Variants in SH3BP4 observed in about 807,000 individuals in gnomAD.
SH3BP4 encodes the protein SH3 domain-binding protein 4.
SH3BP4 carries 33 observed loss-of-function variants against 65.5 expected under a neutral mutation model. That is an observed-to-expected ratio of 0.50 (90% CI 0.38 to 0.67). SH3BP4 has a LOEUF of 0.67. SH3BP4 is among the 30% of genes least tolerant of loss of function. The pLI, the probability that SH3BP4 is intolerant of heterozygous loss-of-function variation, is 0.00. For synonymous variants in SH3BP4, 552 were observed against 545.5 expected, an observed-to-expected ratio of 1.01 and a Z score of -0.17; for missense variants, 1,134 against 1,261.4, an observed-to-expected ratio of 0.90 and a Z score of 1.53.
intron 1 of SH3BP4, among the ~76,000 whole-genome samples, chr2:234,987,562 T>A (rs1689973567): frequency 6.6e-6 from 1 of 151,874 alleles, no homozygotes; most frequent in Non-Finnish European, 1.5e-5. Context: ...CCAGGCCGCC[T>A]CCCCCCAACA....
rs1023429238 is a variant in SH3BP4 at position 235,030,767 on chromosome 2, A to G, written c.-132-4104A>G. ...TCTCCATCCCGTGCCAGCCCCCTGT[A>G]GATGCAGTGGTGTCTGGAGGAGCAG... On this transcript the variant is annotated intron_variant, in intron 2 of 5. Transcript: ENST00000392011. This position sits in a 1 kb window ranked among gnomAD's most constrained non-coding sequence, Gnocchi z 4.1. 2.0e-5 allele frequency among the ~76,000 whole-genome samples: 3 copies of G among 152,134 alleles called. No individual in the cohort carries two copies. Among genetic ancestry groups the G allele is most frequent in the African/African-American group, 4.8e-5 (2 of 41,424 alleles).
intron 1 of SH3BP4, among the ~76,000 whole-genome samples, chr2:234,969,411 G>T (rs1249733632): frequency 6.6e-6 from 1 of 152,148 alleles, no homozygotes; most frequent in Non-Finnish European, 1.5e-5. Context: ...GTGTGTGCTG[G>T]CTCTGAGTAG....
rs1018803577 is a variant in SH3BP4 at position 234,976,872 on chromosome 2, A to G, written c.-206-18431A>G. On this transcript the variant is annotated intron_variant, in intron 1 of 5. Transcript: ENST00000392011. The surrounding 1 kb of genome is among the most constrained non-coding windows in gnomAD (Gnocchi z 4.7). ...GCCAAGAGGAGCTTAAAGAGACACGACACCTAATGTCATGTGGTGATCTGG... is the reference window on the plus strand; with the variant it reads ...GCCAAGAGGAGCTTAAAGAGACACGGCACCTAATGTCATGTGGTGATCTGG... 1.3e-5 allele frequency among the ~76,000 whole-genome samples: 2 copies of G among 152,188 alleles called. No individual in the cohort carries two copies. Among genetic ancestry groups the G allele is most frequent in the Non-Finnish European group, 2.9e-5 (2 of 68,034 alleles).
In SH3BP4 at chr2:234,952,544, C is replaced by T. The variant is rs1453997172; in HGVS notation, c.-207+374C>T. ...GGTGGCCTCCCTGGGCAACCGGACG[C>T]GTCCTCGGGCGCAAATCGGGGGGCG... On this transcript the variant is annotated intron_variant, in intron 1 of 5. Coordinates refer to ENST00000392011, the MANE Select transcript of SH3BP4 (RefSeq NM_014521.3). This position sits in a 1 kb window ranked among gnomAD's most constrained non-coding sequence, Gnocchi z 6.5. Among the ~76,000 whole-genome samples the T allele has an allele frequency of 1.3e-5, 2 of 151,422 alleles. No homozygotes were observed. Among genetic ancestry groups the T allele is most frequent in the African/African-American group, 2.4e-5 (1 of 41,234 alleles).
At chr2:234,971,310 ATGC>A (rs1427322375) in intron 1 of SH3BP4, among the ~76,000 whole-genome samples, 2 of 152,240 alleles carry the variant, frequency 1.3e-5, no homozygotes, top group Non-Finnish European at 2.9e-5. Context: ...AGGTTCATCC[ATGC>A]TGTGGCCTAT....
intron 1 of SH3BP4, among the ~76,000 whole-genome samples, chr2:234,973,842 C>A (rs756313999): frequency 1.1e-4 from 16 of 151,740 alleles, no homozygotes; most frequent in Non-Finnish European, 1.9e-4. Context: ...CCTATGTTGC[C>A]CAGGCTAGTC....
chr2:235,049,352 G>A (rs1363594341), intron 4 of SH3BP4, among the ~76,000 whole-genome samples: 2 of 152,196 alleles, frequency 1.3e-5, no homozygotes, highest in East Asian at 3.9e-4. Flanking sequence ...ACTTTGACCT[G>A]TTCTGTTACC....
chr2:235,001,683 T>C (rs1475569520), intron 2 of SH3BP4, among the ~76,000 whole-genome samples: 1 of 152,144 alleles, frequency 6.6e-6, no homozygotes. Context: ...GATAGGTTAA[T>C]AGAAACCCAC....
intron 3 of SH3BP4, among the ~76,000 whole-genome samples, chr2:235,040,414 G>A (rs760355873): frequency 6.6e-6 from 1 of 151,884 alleles, no homozygotes; most frequent in Non-Finnish European, 1.5e-5. Flanking sequence ...GCTCATACAT[G>A]TCATTGCGGG....
rs757909741 is a variant in SH3BP4 at position 235,042,933 on chromosome 2, G to T, written c.2164G>T (p.Val722Phe). ...GLVHTKNVLV[V>F]GRARPSLCSG... ...CGTGCACACCAAGAACGTGCTGGTG[G>T]TCGGCAGGGCCCGGCCCAGCCTGTG... is the stretch of plus-strand genomic sequence containing the variant. Residue 722 changes from valine to phenylalanine, a missense_variant, in exon 4 of 6, where the codon GTC becomes TTC. Transcript: ENST00000392011. This position sits in a 1 kb window ranked among gnomAD's most constrained non-coding sequence, Gnocchi z 7.3. 4 of 1,613,032 alleles carry T rather than the reference G, an allele frequency of 2.5e-6. No individual in the cohort carries two copies. In the Admixed American group the frequency reaches 6.7e-5, roughly 27 times the overall value.
intron 1 of SH3BP4, among the ~76,000 whole-genome samples, chr2:234,965,247 A>G (rs900385385): frequency 2.6e-5 from 4 of 152,214 alleles, no homozygotes; most frequent in East Asian, 3.8e-4. Flanking sequence ...CCCAGCATCA[A>G]TGCACCTCTC....
intron 1 of SH3BP4, among the ~76,000 whole-genome samples, chr2:234,961,017 C>A (rs1236854949): frequency 6.6e-6 from 1 of 152,142 alleles, no homozygotes; most frequent in Non-Finnish European, 1.5e-5. Context: ...TGGTTCATTG[C>A]GGGGACATCA....
At chr2:234,964,675 A>G (rs1692794199) in intron 1 of SH3BP4, among the ~76,000 whole-genome samples, 1 of 152,156 alleles carries the variant, frequency 6.6e-6, no homozygotes, top group African/African-American at 2.4e-5. Flanking sequence ...TGGTGAGTCC[A>G]AGGAACCAAA....
chr2:235,024,193 C>T (rs1694926599), intron 2 of SH3BP4, among the ~76,000 whole-genome samples: 1 of 152,190 alleles, frequency 6.6e-6, no homozygotes, highest in African/African-American at 2.4e-5. Context: ...ACTGCAGTTG[C>T]TCCCTTTCTT....
In SH3BP4 at chr2:234,978,317, C is replaced by CCATT. The variant is rs1223882262; in HGVS notation, c.-206-16971_-206-16968dup. Among the ~76,000 whole-genome samples the CCATT allele has an allele frequency of 5.3e-5, 8 of 152,198 alleles. No individual in the cohort carries two copies. Among genetic ancestry groups the CCATT allele is most frequent in the East Asian group, 3.9e-4 (2 of 5,194 alleles). On this transcript the variant is annotated intron_variant, in intron 1 of 5. Coordinates refer to ENST00000392011, the MANE Select transcript of SH3BP4 (RefSeq NM_014521.3). The surrounding 1 kb of genome is among the most constrained non-coding windows in gnomAD (Gnocchi z 4.1). ...AGAAGAGCTTCATTCATTAATTCAT[C>CCATT]CATTCATTCATTCATTCAACAAGTA...
Position 234,977,296 on chromosome 2 carries a change from C to G in SH3BP4, c.-206-18007C>G, listed in dbSNP as rs1331621091. Among the ~76,000 whole-genome samples, 1 of 152,118 alleles carries G rather than the reference C, an allele frequency of 6.6e-6. No individual in the cohort carries two copies. The highest frequency in any genetic ancestry group is 1.5e-5 in the Non-Finnish European group (1 of 68,022). ...CGGGAACTTCCCTTTCCTACAGACC[C>G]TCGCTTGGTGCGCCATGGCAGCTGG... On this transcript the variant is annotated intron_variant, in intron 1 of 5. Coordinates refer to ENST00000392011, the MANE Select transcript of SH3BP4 (RefSeq NM_014521.3). The surrounding 1 kb of genome is among the most constrained non-coding windows in gnomAD (Gnocchi z 5.1).
At chr2:234,980,216 C>A (rs1173738349) in intron 1 of SH3BP4, among the ~76,000 whole-genome samples, 2 of 152,186 alleles carry the variant, frequency 1.3e-5, no homozygotes, top group Non-Finnish European at 2.9e-5. Context: ...CCTGAAACTT[C>A]AGATAGTACC....
At chr2:234,962,742 C>T (rs891676313) in intron 1 of SH3BP4, among the ~76,000 whole-genome samples, 7 of 151,168 alleles carry the variant, frequency 4.6e-5, no homozygotes, top group Admixed American at 3.3e-4. Context: ...TGAATGAATA[C>T]TATGCTTTTT....
chr2:235,043,080 T>A lies in SH3BP4; in HGVS notation c.2311T>A (p.Ser771Thr). 6.2e-7 allele frequency: 1 copy of A among 1,613,396 alleles called. No individual in the cohort carries two copies. Among genetic ancestry groups the A allele is most frequent in the Non-Finnish European group, 8.5e-7 (1 of 1,179,794 alleles). The change falls in exon 4 of 6, where the codon TCC becomes ACC. Residue 771 changes from serine to threonine, a missense_variant. Coordinates refer to ENST00000392011, the MANE Select transcript of SH3BP4 (RefSeq NM_014521.3). Reference sequence around the variant, plus strand: ...CATGGAGAACATCAGCAGCTGGCGCTCCTTCGCTGACGCCCTGGGCTACGT... The same window carrying A: ...CATGGAGAACATCAGCAGCTGGCGCACCTTCGCTGACGCCCTGGGCTACGT... ...LLMENISSWRSFADALGYVNL... is the reference protein window; with the variant it reads ...LLMENISSWRTFADALGYVNL...
Sources: gnomAD v4.1 joint callset for allele counts (sites outside exome capture counted in the v4.1 genomes callset) on GRCh38, gnomAD v4.1.1 for gene constraint, Gnocchi (gnomAD v3.1) non-coding constraint, MANE v1.5 for transcripts, NCBI Gene and HGNC (gene_info 2026-07-23, HGNC 2026-07-21) for gene names.